Variants in MELK observed in about 807,000 individuals in gnomAD.
MELK encodes pEg3 kinase.
A neutral mutation model predicts 85.0 loss-of-function variants in MELK; 81 were observed. That is an observed-to-expected ratio of 0.95 (90% CI 0.80 to 1.15). MELK has a LOEUF of 1.15. Ranked by LOEUF, MELK falls within the 50% of genes most tolerant of loss-of-function variation. MELK has a pLI of 0.00. For missense variants in MELK, 754 were observed against 777.5 expected, an observed-to-expected ratio of 0.97 and a Z score of 0.36; for synonymous variants, 252 against 265.0, an observed-to-expected ratio of 0.95 and a Z score of 0.48.
At chr9:36,663,913 A>T (rs1832095181) in intron 13 of MELK, among the ~76,000 whole-genome samples, 1 of 152,196 alleles carries the variant, frequency 6.6e-6, no homozygotes, top group Non-Finnish European at 1.5e-5. Flanking sequence ...AAGTAGAGGG[A>T]ATTGCTGCTT....
rs73439130 is a variant in MELK, at chr9:36,641,090, A to G, written c.835-1907A>G. 4.5e-3 allele frequency among the ~76,000 whole-genome samples: 689 copies of G among 152,344 alleles called. 6 individuals are homozygous for G. Among genetic ancestry groups the G allele is most frequent in the African/African-American group, 0.016 (668 of 41,586 alleles). On this transcript the variant is annotated intron_variant, in intron 10 of 17. Coordinates refer to ENST00000298048, the MANE Select transcript of MELK (RefSeq NM_014791.4). ...AGTGTGATCTAAAGAAAGGGCCAGA[A>G]TAGTAAGGGGAGTTAATCATTAAAG...
chr9:36,596,817 C>T (rs2135514324), intron 5 of MELK, among the ~76,000 whole-genome samples: 1 of 149,504 alleles, frequency 6.7e-6, no homozygotes, highest in East Asian at 2.0e-4. Flanking sequence ...AACTCCTGAC[C>T]TCAGGTGATG....
At chr9:36,664,978 G>GT (rs1466218350) in intron 13 of MELK, among the ~76,000 whole-genome samples, 2 of 152,068 alleles carry the variant, frequency 1.3e-5, no homozygotes, top group Non-Finnish European at 2.9e-5. Flanking sequence ...AGTTTAACAT[G>GT]TTTTTTCTGC....
chr9:36,616,011 C>T (rs1185066387), intron 8 of MELK, among the ~76,000 whole-genome samples: 1 of 152,280 alleles, frequency 6.6e-6, no homozygotes, highest in African/African-American at 2.4e-5. Context: ...GGCGGCTGCT[C>T]CTTGCCCTCG....
intron 8 of MELK, 146 bp downstream of exon 8, chr9:36,607,819 T>G: frequency 1.5e-6 from 1 of 649,642 alleles, no homozygotes; most frequent in Non-Finnish European, 2.7e-6. Context: ...TGGGAGTGGT[T>G]AAGGAGTGGG....
chr9:36,600,361 T>C (rs1824790630), intron 7 of MELK, among the ~76,000 whole-genome samples: 1 of 151,668 alleles, frequency 6.6e-6, no homozygotes, highest in Admixed American at 6.6e-5. Flanking sequence ...ATTATAGGCA[T>C]GAGCCACTGC....
chr9:36,645,965 G>T (rs1444720175), intron 11 of MELK, among the ~76,000 whole-genome samples: 2 of 152,190 alleles, frequency 1.3e-5, no homozygotes, highest in Admixed American at 6.5e-5. Flanking sequence ...CATTGGTCTA[G>T]CTCAGTTCTC....
rs937371762 is a variant in MELK at position 36,665,596 on chromosome 9, A to G, written c.1408+15A>G. On this transcript the variant is annotated intron_variant, in intron 14 of 17. Coordinates refer to ENST00000298048, the MANE Select transcript of MELK (RefSeq NM_014791.4). ...ACCCTCAAAAGGTATTTGCTAAGTG[A>G]ATTAAGCAGTAAGAAGTTTCATTTT... 4.5e-6 allele frequency: 7 copies of G among 1,571,488 alleles called. No homozygotes were observed. Among genetic ancestry groups the G allele is most frequent in the African/African-American group, 1.4e-5 (1 of 73,430 alleles).
At chr9:36,635,818 A>G (rs1481522326) in intron 10 of MELK, among the ~76,000 whole-genome samples, 4 of 140,070 alleles carry the variant, frequency 2.9e-5, no homozygotes, top group Non-Finnish European at 6.1e-5. Context: ...TTTTTTTGAG[A>G]TGGAGTCTCG....
At chr9:36,675,573 A>T (rs1041390353) in intron 17 of MELK, among the ~76,000 whole-genome samples, 10 of 152,332 alleles carry the variant, frequency 6.6e-5, no homozygotes, top group Admixed American at 6.5e-4. Context: ...GAGACATTTC[A>T]AATGAATCAG....
Position 36,677,271 on chromosome 9 carries a change from G to C in MELK, c.1890G>C (p.Arg630=). 1.9e-6 allele frequency: 3 copies of C among 1,614,068 alleles called. No individual in the cohort carries two copies. The highest frequency in any genetic ancestry group is 2.5e-6 in the Non-Finnish European group (3 of 1,179,972). The change falls in exon 18 of 18, where the codon CGG becomes CGC. Residue 630 remains arginine, a synonymous_variant. Transcript: ENST00000298048. ...ATGTGGTGGGTATCAGGAGGCAGCG[G>C]CTTAAGGGCGATGCCTGGGTTTACA... ...KPDVVGIRRQ[R]LKGDAWVYKR... is the part of the protein sequence containing the mutation.
chr9:36,617,661 T>G (rs1451823547), intron 8 of MELK, among the ~76,000 whole-genome samples: 1 of 152,238 alleles, frequency 6.6e-6, no homozygotes, highest in Non-Finnish European at 1.5e-5. Flanking sequence ...CTTTTTGACT[T>G]TATTTTTTAA....
In MELK at chr9:36,636,782, T is replaced by TTCTGTCTGTCTGTCTGTCTG. The variant is rs1554728995; in HGVS notation, c.834+3593_834+3594insGTCTGTCTGTCTGTCTGTCT. Among the ~76,000 whole-genome samples the TTCTGTCTGTCTGTCTGTCTG allele has an allele frequency of 5.8e-4, 62 of 107,672 alleles. 1 individual carries two copies. Among genetic ancestry groups the TTCTGTCTGTCTGTCTGTCTG allele is most frequent in the Middle Eastern group, 4.3e-3 (1 of 232 alleles). 70.6% of individuals were successfully genotyped at this position (107,672 alleles called of 152,430 possible). A position where few individuals can be genotyped will look rare whatever the true frequency, so the allele number is the denominator to read the frequency against. The stretch of plus-strand genomic sequence containing the variant: ...TTTCTTTCTTTCTTTCTTTCTTTCT[T>TTCTGTCTGTCTGTCTGTCTG]TCTGTCTGTCTTTCTTTCTTTCTGT... On this transcript the variant is annotated intron_variant, in intron 10 of 17. Transcript: ENST00000298048.
intron 13 of MELK, among the ~76,000 whole-genome samples, chr9:36,659,515 T>C (rs1831586510): frequency 6.6e-6 from 1 of 152,226 alleles, no homozygotes; most frequent in South Asian, 2.1e-4. Flanking sequence ...AGTGTTGGGC[T>C]GCATTTATGA....
intron 16 of MELK, among the ~76,000 whole-genome samples, chr9:36,673,489 C>T (rs1833074915): frequency 6.6e-6 from 1 of 152,152 alleles, no homozygotes; most frequent in Non-Finnish European, 1.5e-5. Flanking sequence ...GGTGCAATGG[C>T]ATGATCATAG....
chr9:36,584,401 T>C (rs1474954569), intron 3 of MELK, among the ~76,000 whole-genome samples: 1 of 147,588 alleles, frequency 6.8e-6, no homozygotes, highest in Non-Finnish European at 1.5e-5. Context: ...CACGGCGACC[T>C]CCGCCTCCCA....
chr9:36,677,383 G>T lies in MELK; in HGVS notation c.*46G>T, dbSNP rs368962453. On this transcript the variant is annotated 3_prime_UTR_variant, in exon 18 of 18. Coordinates refer to ENST00000298048, the MANE Select transcript of MELK (RefSeq NM_014791.4). ...GCCGGATGAGTGTGGGTGTGATACA[G>T]CCTACATAAAGACTGTTATGATCGC... The T allele has an allele frequency of 2.0e-6, 3 of 1,520,994 alleles. No individual in the cohort carries two copies. Among genetic ancestry groups the T allele is most frequent in the Non-Finnish European group, 2.7e-6 (3 of 1,124,084 alleles). The allele number at this position is 1,520,994 out of a possible 1,614,324, so 94.2% of individuals were successfully genotyped here. A position where few individuals can be genotyped will look rare whatever the true frequency, so the allele number is the denominator to read the frequency against.
At position 36,611,863 on chromosome 9, in the gene MELK, C is replaced by T. The variant is rs538805526; in HGVS notation, c.666+4190C>T. Reference sequence around the variant, plus strand: ...ATTCGGCTCACTGCACCCTCCACCTCCCAGGTTCAAGCAATTCTTCTGCCT... The same window carrying T: ...ATTCGGCTCACTGCACCCTCCACCTTCCAGGTTCAAGCAATTCTTCTGCCT... On this transcript the variant is annotated intron_variant, in intron 8 of 17. Transcript: ENST00000298048. Among the ~76,000 whole-genome samples, 176 of 151,826 alleles carry T rather than the reference C, an allele frequency of 1.2e-3. 3 individuals are homozygous for T. Among genetic ancestry groups the T allele is most frequent in the African/African-American group, 4.1e-3 (171 of 41,358 alleles).
intron 5 of MELK, among the ~76,000 whole-genome samples, chr9:36,596,012 T>A (rs1461059272): frequency 2.6e-5 from 4 of 151,480 alleles, no homozygotes; most frequent in Non-Finnish European, 5.9e-5. Context: ...CCTGGGGTTT[T>A]GCCATGTTGG....
Sources: gnomAD v4.1 joint callset for allele counts (sites outside exome capture counted in the v4.1 genomes callset) on GRCh38, gnomAD v4.1.1 for gene constraint, MANE v1.5 for transcripts, NCBI Gene and HGNC (gene_info 2026-07-23, HGNC 2026-07-21) for gene names.